UST: variants seen among roughly 807,000 people sequenced by gnomAD.
UST encodes chondroitin sulfate 2-O-sulfotransferase.
In UST, 21 loss-of-function variants were observed where a neutral mutation model predicts 45.6. The ratio of observed to expected loss-of-function variants is 0.46; its 90% CI spans 0.33 to 0.66. The LOEUF (loss-of-function observed/expected upper bound fraction) is 0.66. UST is among the 30% of genes least tolerant of loss of function. UST has a pLI of 0.02. For missense variants in UST, 463 were observed against 512.4 expected, an observed-to-expected ratio of 0.90 and a Z score of 0.93; for synonymous variants, 215 against 200.6, an observed-to-expected ratio of 1.07 and a Z score of -0.61.
chr6:149,032,742 C>T (rs760855537), intron 7 of UST, among the ~76,000 whole-genome samples: 5 of 152,186 alleles, frequency 3.3e-5, no homozygotes, highest in Admixed American at 2.0e-4. Flanking sequence ...CAGATGCCCC[C>T]CTCTGTGTCT....
At chr6:149,066,926 C>A (rs1776738698) in intron 7 of UST, among the ~76,000 whole-genome samples, 1 of 151,960 alleles carries the variant, frequency 6.6e-6, no homozygotes, top group Non-Finnish European at 1.5e-5. Context: ...CAAGACCCTA[C>A]CTCTTAAAAA....
At chr6:148,937,186 A>C (rs775496161) in intron 2 of UST, among the ~76,000 whole-genome samples, 15 of 152,222 alleles carry the variant, frequency 9.9e-5, no homozygotes, top group Non-Finnish European at 1.5e-4. Context: ...GTGGTAGTGC[A>C]TTAGGTGTCT....
intron 5 of UST, among the ~76,000 whole-genome samples, chr6:148,997,566 G>C (rs115607149): frequency 6.6e-6 from 1 of 151,534 alleles, no homozygotes; most frequent in Non-Finnish European, 1.5e-5. Flanking sequence ...ATTATATGCA[G>C]GTACATCTTA....
intron 4 of UST, among the ~76,000 whole-genome samples, chr6:148,954,590 A>T (rs1780443359): frequency 6.6e-6 from 1 of 152,104 alleles, no homozygotes; most frequent in African/African-American, 2.4e-5. Flanking sequence ...AACAGGCTGT[A>T]CTCTACAGCA....
intron 2 of UST, among the ~76,000 whole-genome samples, chr6:148,909,211 A>G (rs540857588): frequency 4.6e-5 from 7 of 152,324 alleles, no homozygotes; most frequent in Middle Eastern, 3.4e-3. Context: ...CAAATTTAAT[A>G]GGCAGTAATT....
At chr6:148,880,485 G>GA (rs1778802523) in intron 1 of UST, among the ~76,000 whole-genome samples, 1 of 152,198 alleles carries the variant, frequency 6.6e-6, no homozygotes, top group Non-Finnish European at 1.5e-5. Context: ...AAAGTAAAGA[G>GA]ATCTTGATAA....
chr6:149,029,272 T>TA (rs1776098964), intron 7 of UST, among the ~76,000 whole-genome samples: 1 of 150,114 alleles, frequency 6.7e-6, no homozygotes, highest in South Asian at 2.1e-4. Context: ...TTATGTGAGT[T>TA]AAAAGTATAT....
At chr6:148,820,136 G>A (rs930761042) in intron 1 of UST, among the ~76,000 whole-genome samples, 3 of 152,168 alleles carry the variant, frequency 2.0e-5, no homozygotes, top group African/African-American at 4.8e-5. Context: ...AGTGACAACC[G>A]TTTGAGGATA....
intron 7 of UST, among the ~76,000 whole-genome samples, chr6:149,031,175 C>T (rs1776134318): frequency 6.7e-6 from 1 of 149,138 alleles, no homozygotes; most frequent in African/African-American, 2.5e-5. Context: ...CCATTGCACT[C>T]TAGCCTGGGC....
chr6:148,926,846 G>A (rs956215350), intron 2 of UST, among the ~76,000 whole-genome samples: 1 of 152,134 alleles, frequency 6.6e-6, no homozygotes, highest in Non-Finnish European at 1.5e-5. Context: ...GGTTCCTTTA[G>A]GAAGAGAGGA....
At chr6:149,007,433 G>A (rs1330736365) in intron 5 of UST, among the ~76,000 whole-genome samples, 6 of 149,956 alleles carry the variant, frequency 4.0e-5, no homozygotes, top group Non-Finnish European at 7.4e-5. Flanking sequence ...GACTACAGGC[G>A]CCCGCTACCA....
intron 1 of UST, among the ~76,000 whole-genome samples, chr6:148,804,083 T>C (rs973449044): frequency 1.5e-4 from 23 of 152,102 alleles, no homozygotes; most frequent in African/African-American, 5.6e-4. Flanking sequence ...AGTGAATAAA[T>C]AAAAGAAATG....
chr6:149,066,190 TG>T (rs1348991122), intron 7 of UST: 1 of 151,366 alleles, frequency 6.6e-6, no homozygotes. Context: ...AGGCGCCCTC[TG>T]AGCTACCAAC....
At chr6:148,971,009 G>A (rs1017051608) in intron 5 of UST, among the ~76,000 whole-genome samples, 1 of 152,212 alleles carries the variant, frequency 6.6e-6, no homozygotes, top group African/African-American at 2.4e-5. Context: ...TTAGGATAGG[G>A]ACACCTTCGA....
At chr6:148,795,248 G>T (rs1034945238) in intron 1 of UST, among the ~76,000 whole-genome samples, 1 of 152,188 alleles carries the variant, frequency 6.6e-6, no homozygotes, top group African/African-American at 2.4e-5. Flanking sequence ...GGGACAGGAG[G>T]GTGTCCCCAG....
At chr6:149,051,088 G>A (rs1008562623) in intron 7 of UST, among the ~76,000 whole-genome samples, 11 of 152,210 alleles carry the variant, frequency 7.2e-5, no homozygotes, top group African/African-American at 2.7e-4. Flanking sequence ...GTAACCCAGG[G>A]AAAGATGGTG....
In UST at chr6:148,941,187, A is replaced by G. The variant is rs184075441; in HGVS notation, c.292-92A>G. On this transcript the variant is annotated intron_variant, in intron 2 of 7. Coordinates refer to ENST00000367463, the MANE Select transcript of UST (RefSeq NM_005715.3). ...TAGGCCTTTTTCACTCAGATTTATT[A>G]TATGAAACAGTTATTGTTCTGAAAT... 4.5e-5 allele frequency: 66 copies of G among 1,472,616 alleles called. No homozygotes were observed. In the East Asian group the frequency reaches 1.3e-3, roughly 29 times the overall value. The allele number at this position is 1,472,616 out of a possible 1,614,324, so 91.2% of individuals were successfully genotyped here.
chr6:149,009,368 A>C (rs1775766856), intron 5 of UST, among the ~76,000 whole-genome samples: 2 of 152,166 alleles, frequency 1.3e-5, no homozygotes, highest in Admixed American at 1.3e-4. Context: ...GCAGAAAATG[A>C]AGGAGAGAAG....
chr6:148,993,561 T>C (rs1781394246), intron 5 of UST, among the ~76,000 whole-genome samples: 1 of 152,066 alleles, frequency 6.6e-6, no homozygotes, highest in African/African-American at 2.4e-5. Flanking sequence ...GCTGATACTG[T>C]TTGTATATTT....
Sources: allele counts gnomAD v4.1 joint callset (sites outside exome capture counted in the v4.1 genomes callset), GRCh38; gene constraint gnomAD v4.1.1; transcripts MANE v1.5; gene names NCBI Gene and HGNC (gene_info 2026-07-23, HGNC 2026-07-21).